Variants in CCSER1 observed in about 807,000 individuals in gnomAD.
CCSER1 encodes serine-rich coiled-coil domain-containing protein 1.
CCSER1 carries 41 observed loss-of-function variants against 82.0 expected under a neutral mutation model. That is an observed-to-expected ratio of 0.50 (90% CI 0.39 to 0.65). The LOEUF (loss-of-function observed/expected upper bound fraction) is 0.65. Ranked by LOEUF, CCSER1 falls within the 30% of genes least tolerant of loss-of-function variation. The probability of loss-of-function intolerance (pLI) is 0.00; values close to 1 mark genes in which losing one functional copy is unlikely to be tolerated. For missense variants in CCSER1, 1,119 were observed against 1,064.2 expected, an observed-to-expected ratio of 1.05 and a Z score of -0.72; for synonymous variants, 414 against 383.9, an observed-to-expected ratio of 1.08 and a Z score of -0.92.
intron 10 of CCSER1, among the ~76,000 whole-genome samples, chr4:91,127,874 G>A (rs144809171): frequency 2.2e-4 from 33 of 152,100 alleles, no homozygotes; most frequent in African/African-American, 7.0e-4. Context: ...CATCTCAAAT[G>A]GCAAAAATGC....
intron 10 of CCSER1, among the ~76,000 whole-genome samples, chr4:91,263,942 T>G (rs932612869): frequency 5.9e-5 from 9 of 151,890 alleles, no homozygotes; most frequent in Non-Finnish European, 1.3e-4. Context: ...CAACTTGAAG[T>G]TTCTTCCAAA....
chr4:90,982,318 C>T (rs1358612471), intron 9 of CCSER1, among the ~76,000 whole-genome samples: 1 of 151,666 alleles, frequency 6.6e-6, no homozygotes, highest in Non-Finnish European at 1.5e-5. Flanking sequence ...GCTCCACCTT[C>T]ATGACTTCAC....
chr4:90,439,705 T>A (rs1053643529), intron 4 of CCSER1, among the ~76,000 whole-genome samples: 4 of 152,180 alleles, frequency 2.6e-5, no homozygotes, highest in Admixed American at 6.5e-5. Context: ...TATAGAAGAA[T>A]CTATCCCTAA....
chr4:91,074,235 A>G (rs1472984061), intron 9 of CCSER1, among the ~76,000 whole-genome samples: 1 of 152,122 alleles, frequency 6.6e-6, no homozygotes, highest in Non-Finnish European at 1.5e-5. Flanking sequence ...ATAACATGTG[A>G]TAAGGCTATG....
intron 10 of CCSER1, among the ~76,000 whole-genome samples, chr4:91,184,521 T>A (rs528957356): frequency 6.6e-6 from 1 of 152,320 alleles, no homozygotes; most frequent in East Asian, 1.9e-4. Flanking sequence ...TTGATTTTTC[T>A]TAGGAAAACT....
chr4:91,147,870 A>T (rs1191085547), intron 10 of CCSER1, among the ~76,000 whole-genome samples: 1 of 152,242 alleles, frequency 6.6e-6, no homozygotes, highest in Non-Finnish European at 1.5e-5. Flanking sequence ...ATATTTTAAG[A>T]TTTTACAGCT....
At chr4:90,239,506 T>TTA (rs1044690264) in intron 1 of CCSER1, among the ~76,000 whole-genome samples, 4 of 152,054 alleles carry the variant, frequency 2.6e-5, no homozygotes, top group African/African-American at 7.2e-5. Context: ...GATTGATCTG[T>TTA]TATATATATA....
At chr4:90,827,657 T>G (rs144296727) in intron 8 of CCSER1, among the ~76,000 whole-genome samples, 82 of 152,268 alleles carry the variant, frequency 5.4e-4, no homozygotes, top group African/African-American at 1.9e-3. Context: ...TTATTACTTG[T>G]AAAATCATGA....
At chr4:90,931,569 G>A (rs1257018691) in intron 9 of CCSER1, among the ~76,000 whole-genome samples, 1 of 152,036 alleles carries the variant, frequency 6.6e-6, no homozygotes, top group African/African-American at 2.4e-5. Context: ...CATAGAAGAT[G>A]GTATTTTGTT....
chr4:90,936,373 A>G (rs1037030378), intron 9 of CCSER1, among the ~76,000 whole-genome samples: 11 of 152,158 alleles, frequency 7.2e-5, no homozygotes, highest in African/African-American at 2.2e-4. Context: ...TTTCACTACA[A>G]TGTAGTCACA....
intron 10 of CCSER1, among the ~76,000 whole-genome samples, chr4:91,173,789 A>T (rs1733021997): frequency 6.6e-6 from 1 of 152,094 alleles, no homozygotes; most frequent in South Asian, 2.1e-4. Context: ...TTGTTTCTTC[A>T]CTAAAAAAGG....
chr4:90,830,805 A>G (rs17248109), intron 8 of CCSER1, among the ~76,000 whole-genome samples: 10,851 of 152,176 alleles, frequency 0.071, 499 homozygotes, highest in Admixed American at 0.13. Context: ...CTATGAACAA[A>G]CAACTTTGGT....
intron 10 of CCSER1, among the ~76,000 whole-genome samples, chr4:91,350,649 A>T (rs1367785075): frequency 6.6e-6 from 1 of 152,116 alleles, no homozygotes. Context: ...CAGTTTAAAA[A>T]TTTGACTGCA....
chr4:91,512,456 C>G (rs1247514590), intron 10 of CCSER1, among the ~76,000 whole-genome samples: 1 of 152,166 alleles, frequency 6.6e-6, no homozygotes, highest in Non-Finnish European at 1.5e-5. Flanking sequence ...TGGCCACAGA[C>G]TGAAGGCTGC....
chr4:90,959,506 C>T (rs1243450488), intron 9 of CCSER1, among the ~76,000 whole-genome samples: 1 of 152,030 alleles, frequency 6.6e-6, no homozygotes, highest in Non-Finnish European at 1.5e-5. Context: ...TTTCTTTGTT[C>T]TTTTATTTAA....
intron 10 of CCSER1, among the ~76,000 whole-genome samples, chr4:91,536,708 T>A (rs1160970633): frequency 6.6e-6 from 1 of 152,106 alleles, no homozygotes; most frequent in African/African-American, 2.4e-5. Flanking sequence ...AAATTTGTCT[T>A]GTCACCAACT....
At chr4:91,379,336 C>A (rs1346100510) in intron 10 of CCSER1, among the ~76,000 whole-genome samples, 1 of 152,140 alleles carries the variant, frequency 6.6e-6, no homozygotes. Flanking sequence ...GTCCCAGCTC[C>A]TCCTTGTACC....
chr4:90,826,574 C>G (rs1760486458), intron 8 of CCSER1, among the ~76,000 whole-genome samples: 1 of 152,106 alleles, frequency 6.6e-6, no homozygotes, highest in Non-Finnish European at 1.5e-5. Context: ...TTTTATAATA[C>G]AATTGAGAAA....
At chr4:90,699,275 C>A (rs1300653378) in intron 6 of CCSER1, among the ~76,000 whole-genome samples, 1 of 151,922 alleles carries the variant, frequency 6.6e-6, no homozygotes, top group East Asian at 1.9e-4. Context: ...ACCAGGCTGG[C>A]GAACATGGCA....
Sources: allele counts gnomAD v4.1 joint callset (sites outside exome capture counted in the v4.1 genomes callset), GRCh38; gene constraint gnomAD v4.1.1; transcripts MANE v1.5; gene names NCBI Gene and HGNC (gene_info 2026-07-23, HGNC 2026-07-21).